Variants in CNTNAP2 observed in about 807,000 individuals in gnomAD.
CNTNAP2 encodes contactin-associated protein-like 2.
In CNTNAP2, 98 loss-of-function variants were observed where a neutral mutation model predicts 155.2. The ratio of observed to expected loss-of-function variants is 0.63; its 90% CI spans 0.54 to 0.75. The LOEUF (loss-of-function observed/expected upper bound fraction) is 0.75. Ranked by LOEUF, CNTNAP2 falls within the 30% of genes least tolerant of loss-of-function variation. The pLI, the probability that CNTNAP2 is intolerant of heterozygous loss-of-function variation, is 0.00. For synonymous variants in CNTNAP2, 651 were observed against 631.2 expected, an observed-to-expected ratio of 1.03 and a Z score of -0.47; for missense variants, 1,727 against 1,688.1, an observed-to-expected ratio of 1.02 and a Z score of -0.40.
intron 13 of CNTNAP2, among the ~76,000 whole-genome samples, chr7:147,787,730 CTT>C (rs1268108436): frequency 6.6e-6 from 1 of 152,076 alleles, no homozygotes; most frequent in Non-Finnish European, 1.5e-5. Context: ...ATTAGTAAGA[CTT>C]TTTTCATTTT....
intron 1 of CNTNAP2, among the ~76,000 whole-genome samples, chr7:146,551,738 TAC>T (rs1268240117): frequency 2.0e-5 from 3 of 152,146 alleles, no homozygotes; most frequent in Non-Finnish European, 4.4e-5. Context: ...ACCACATTTG[TAC>T]AGAGTCCAGC....
intron 13 of CNTNAP2, among the ~76,000 whole-genome samples, chr7:147,817,821 C>T (rs182873122): frequency 0.015 from 2,180 of 149,552 alleles, 24 homozygotes; most frequent in Non-Finnish European, 0.023. Context: ...AGGAGAATGG[C>T]GTGAACCCAG....
intron 1 of CNTNAP2, among the ~76,000 whole-genome samples, chr7:146,448,794 C>T (rs545559417): frequency 2.6e-5 from 4 of 152,096 alleles, no homozygotes; most frequent in Non-Finnish European, 4.4e-5. Context: ...CTTTTCTTCA[C>T]ACTACACCTT....
chr7:146,596,493 T>C (rs1798859880), intron 1 of CNTNAP2, among the ~76,000 whole-genome samples: 1 of 151,900 alleles, frequency 6.6e-6, no homozygotes, highest in South Asian at 2.1e-4. Context: ...CACCACTTTT[T>C]AATAAATGTG....
chr7:146,976,307 T>G (rs1797909470), intron 3 of CNTNAP2, among the ~76,000 whole-genome samples: 1 of 152,132 alleles, frequency 6.6e-6, no homozygotes, highest in Non-Finnish European at 1.5e-5. Context: ...CCAGCCCAGT[T>G]GCATTCTGAC....
At chr7:146,760,333 A>G (rs946814434) in intron 1 of CNTNAP2, among the ~76,000 whole-genome samples, 2 of 150,314 alleles carry the variant, frequency 1.3e-5, no homozygotes, top group Admixed American at 6.6e-5. Context: ...ACCTTCTAAA[A>G]TATCTTTCAC....
intron 13 of CNTNAP2, among the ~76,000 whole-genome samples, chr7:147,801,577 C>T (rs938961767): frequency 2.6e-5 from 4 of 151,710 alleles, no homozygotes; most frequent in East Asian, 1.9e-4. Context: ...CATCTTGCAC[C>T]GCCCTTAATC....
intron 13 of CNTNAP2, among the ~76,000 whole-genome samples, chr7:147,762,473 C>T (rs1283024155): frequency 6.6e-6 from 1 of 151,354 alleles, no homozygotes; most frequent in Admixed American, 6.6e-5. Flanking sequence ...GCTGCGGAGG[C>T]AATTAGATGC....
chr7:146,119,567 G>A (rs1451653140), intron 1 of CNTNAP2, among the ~76,000 whole-genome samples: 4 of 152,094 alleles, frequency 2.6e-5, no homozygotes, highest in Non-Finnish European at 5.9e-5. Context: ...CGGGACACAC[G>A]TGGGAAGTTT....
At chr7:147,927,483 T>C (rs1288795580) in intron 14 of CNTNAP2, among the ~76,000 whole-genome samples, 3 of 152,220 alleles carry the variant, frequency 2.0e-5, no homozygotes, top group Non-Finnish European at 4.4e-5. Context: ...ATTGTCAAGA[T>C]AACTGATGTA....
intron 3 of CNTNAP2, among the ~76,000 whole-genome samples, chr7:146,895,582 G>T (rs1030731293): frequency 6.6e-6 from 1 of 151,658 alleles, no homozygotes. Flanking sequence ...TGATATTTTT[G>T]TTAGTATGTA....
intron 10 of CNTNAP2, among the ~76,000 whole-genome samples, chr7:147,408,552 A>G (rs906974609): frequency 5.3e-5 from 8 of 152,186 alleles, no homozygotes; most frequent in African/African-American, 1.9e-4. Context: ...CGAGGTCAGG[A>G]GATCGAGACC....
chr7:147,080,225 T>C (rs990164669), intron 4 of CNTNAP2, among the ~76,000 whole-genome samples: 3 of 152,188 alleles, frequency 2.0e-5, no homozygotes, highest in Admixed American at 6.5e-5. Flanking sequence ...TGGAGGCAAT[T>C]AAGTATAAGG....
intron 2 of CNTNAP2, among the ~76,000 whole-genome samples, chr7:146,827,469 C>T (rs998702942): frequency 1.2e-4 from 18 of 150,718 alleles, no homozygotes; most frequent in African/African-American, 3.9e-4. Context: ...AGTAATATTC[C>T]TTGTGATCTG....
chr7:147,496,038 T>C (rs1212247658), intron 11 of CNTNAP2, among the ~76,000 whole-genome samples: 2 of 152,198 alleles, frequency 1.3e-5, no homozygotes, highest in Non-Finnish European at 2.9e-5. Flanking sequence ...TAATGCCTGA[T>C]GATCTGCCAC....
At chr7:147,581,517 G>A (rs936734561) in intron 12 of CNTNAP2, among the ~76,000 whole-genome samples, 1 of 152,132 alleles carries the variant, frequency 6.6e-6, no homozygotes, top group Non-Finnish European at 1.5e-5. Context: ...AATGAGTTTT[G>A]TGTTGTTTTT....
At position 148,220,729 on chromosome 7, in the gene CNTNAP2, T is replaced by C. The variant is rs528288534; in HGVS notation, c.3247+3205T>C. 9.9e-5 allele frequency among the ~76,000 whole-genome samples: 15 copies of C among 152,120 alleles called. No homozygotes were observed. The South Asian group carries it at 2.7e-3, about 27-fold the overall frequency. On this transcript the variant is annotated intron_variant, in intron 19 of 23. Coordinates refer to ENST00000361727, the MANE Select transcript of CNTNAP2 (RefSeq NM_014141.6). ...GCAGTACTTTTGTATGCATGTCAAA[T>C]GCTTTAATCAGAAAGATGAAAACAG... is the stretch of plus-strand genomic sequence containing the variant.
At chr7:148,364,894 C>A (rs1468232483) in intron 21 of CNTNAP2, among the ~76,000 whole-genome samples, 2 of 152,186 alleles carry the variant, frequency 1.3e-5, no homozygotes, top group Non-Finnish European at 2.9e-5. Flanking sequence ...TGGGTCCACG[C>A]TGCTTTTATG....
intron 22 of CNTNAP2, among the ~76,000 whole-genome samples, chr7:148,392,163 T>C (rs569429715): frequency 6.6e-6 from 1 of 152,182 alleles, no homozygotes; most frequent in East Asian, 1.9e-4. Flanking sequence ...AACCTCCACC[T>C]CCGGGGTACA....
Sources: gnomAD v4.1 joint callset for allele counts (sites outside exome capture counted in the v4.1 genomes callset) on GRCh38, gnomAD v4.1.1 for gene constraint, MANE v1.5 for transcripts, NCBI Gene and HGNC (gene_info 2026-07-23, HGNC 2026-07-21) for gene names.